Variants in PTTG1IP2 observed in about 807,000 individuals in gnomAD.
The protein encoded by PTTG1IP2 is PTTG1IP family member 2.
intron 6 of PTTG1IP2, among the ~76,000 whole-genome samples, chr7:90,507,081 CA>C (rs2116126712): frequency 6.6e-6 from 1 of 152,284 alleles, no homozygotes; most frequent in Admixed American, 6.5e-5. Flanking sequence ...TGTAAAACTT[CA>C]TCAAATTCTT....
intron 5 of PTTG1IP2, among the ~76,000 whole-genome samples, chr7:90,492,911 C>CT (rs1431527281): frequency 1.3e-5 from 2 of 152,146 alleles, no homozygotes; most frequent in Non-Finnish European, 2.9e-5. Context: ...ACTTACAAAG[C>CT]TTTCCCTTAT....
At chr7:90,482,764 CT>C (rs1414222171) in intron 2 of PTTG1IP2, among the ~76,000 whole-genome samples, 2 of 125,660 alleles carry the variant, frequency 1.6e-5, no homozygotes, top group African/African-American at 3.0e-5. Flanking sequence ...CATCATAAGA[CT>C]GTTGCAACTG....
At chr7:90,480,645 G>A (rs550262748) in intron 2 of PTTG1IP2, among the ~76,000 whole-genome samples, 13 of 152,072 alleles carry the variant, frequency 8.5e-5, no homozygotes, top group African/African-American at 2.7e-4. Context: ...ATATCTAAAA[G>A]TTAACAATAT....
intron 1 of PTTG1IP2, among the ~76,000 whole-genome samples, chr7:90,474,475 G>A (rs1360580727): frequency 6.6e-6 from 1 of 152,232 alleles, no homozygotes; most frequent in Non-Finnish European, 1.5e-5. Context: ...GAAGACTAAT[G>A]TAAGAGTGGT....
intron 2 of PTTG1IP2, among the ~76,000 whole-genome samples, chr7:90,480,691 A>G (rs982882330): frequency 6.6e-6 from 1 of 152,138 alleles, no homozygotes; most frequent in Non-Finnish European, 1.5e-5. Flanking sequence ...AAAATAATAA[A>G]TTTGTCTTGT....
chr7:90,497,469 A>C (rs1214400635), intron 6 of PTTG1IP2, among the ~76,000 whole-genome samples: 2 of 146,952 alleles, frequency 1.4e-5, no homozygotes, highest in Non-Finnish European at 3.0e-5. Context: ...GAGGCTGAGG[A>C]GGGAGAATGG....
At chr7:90,491,799 T>C (rs183925748) in intron 4 of PTTG1IP2, among the ~76,000 whole-genome samples, 1 of 152,220 alleles carries the variant, frequency 6.6e-6, no homozygotes, top group Non-Finnish European at 1.5e-5. Context: ...ATTCTCCTGG[T>C]GGAGGGATAA....
chr7:90,486,853 C>A (rs1391063512), intron 2 of PTTG1IP2, among the ~76,000 whole-genome samples: 1 of 152,134 alleles, frequency 6.6e-6, no homozygotes, highest in Non-Finnish European at 1.5e-5. Flanking sequence ...GACTGCTCTT[C>A]AGCAAAAATC....
At chr7:90,474,968 C>G (rs1040115568) in intron 1 of PTTG1IP2, among the ~76,000 whole-genome samples, 6 of 152,144 alleles carry the variant, frequency 3.9e-5, no homozygotes, top group Admixed American at 6.5e-5. Context: ...TGCCACAACT[C>G]CAAAGGTGCT....
intron 6 of PTTG1IP2, among the ~76,000 whole-genome samples, chr7:90,507,815 G>A (rs917011486): frequency 3.9e-5 from 6 of 152,058 alleles, no homozygotes; most frequent in Admixed American, 3.3e-4. Context: ...CTCAATAAAT[G>A]GTTATATTAT....
At chr7:90,497,742 A>AAAG (rs1451241762) in intron 6 of PTTG1IP2, among the ~76,000 whole-genome samples, 47 of 135,664 alleles carry the variant, frequency 3.5e-4, no homozygotes, top group South Asian at 4.6e-4. Flanking sequence ...AAAAAAAAAA[A>AAAG]AAGAAGAAGA....
intron 2 of PTTG1IP2, among the ~76,000 whole-genome samples, chr7:90,480,315 T>C (rs893555048): frequency 6.6e-6 from 1 of 152,216 alleles, no homozygotes; most frequent in African/African-American, 2.4e-5. Flanking sequence ...TTCAGTTTAT[T>C]GGCCCTCTTC....
At chr7:90,472,149 T>C (rs1195729429) in intron 1 of PTTG1IP2, among the ~76,000 whole-genome samples, 1 of 152,062 alleles carries the variant, frequency 6.6e-6, no homozygotes, top group African/African-American at 2.4e-5. Context: ...GGATCTCACC[T>C]ACACTATATC....
chr7:90,489,026 A>G (rs968552942), intron 4 of PTTG1IP2, 62 bp downstream of exon 4: 1 of 151,856 alleles, frequency 6.6e-6, no homozygotes, highest in Non-Finnish European at 1.5e-5. Flanking sequence ...AGAGAATACT[A>G]AGCTAGTCAT....
At chr7:90,503,930 G>A (rs17869620) in intron 6 of PTTG1IP2, among the ~76,000 whole-genome samples, 7,890 of 152,240 alleles carry the variant, frequency 0.052, 496 homozygotes, top group East Asian at 0.16. Context: ...TAAATCTGTA[G>A]AAAGCACAAT....
chr7:90,489,502 C>T (rs528248900), intron 4 of PTTG1IP2, among the ~76,000 whole-genome samples: 3 of 151,864 alleles, frequency 2.0e-5, no homozygotes, highest in Admixed American at 6.5e-5. Context: ...AATCCTTCTC[C>T]TGTTACACAT....
At chr7:90,499,455 A>T (rs1240055184) in intron 6 of PTTG1IP2, among the ~76,000 whole-genome samples, 1 of 152,182 alleles carries the variant, frequency 6.6e-6, no homozygotes, top group Non-Finnish European at 1.5e-5. Flanking sequence ...TTGTAGGGGG[A>T]CAATGTAACT....
intron 3 of PTTG1IP2, among the ~76,000 whole-genome samples, chr7:90,488,480 GA>G (rs1238759703): frequency 1.3e-5 from 2 of 152,002 alleles, no homozygotes; most frequent in African/African-American, 4.8e-5. Context: ...ATGGACTGCT[GA>G]AATTCAAACA....
At chr7:90,480,407 G>A (rs1454244085) in intron 2 of PTTG1IP2, among the ~76,000 whole-genome samples, 2 of 151,882 alleles carry the variant, frequency 1.3e-5, no homozygotes, top group Non-Finnish European at 2.9e-5. Context: ...GTCGTTAAAT[G>A]TTTTATAAAG....
Sources: allele counts gnomAD v4.1 joint callset (sites outside exome capture counted in the v4.1 genomes callset), GRCh38; gene constraint gnomAD v4.1.1; transcripts MANE v1.5; gene names NCBI Gene and HGNC (gene_info 2026-07-23, HGNC 2026-07-21).